The following SESTD1 variants were observed in gnomAD, a reference collection of about 807,000 sequenced individuals.
SESTD1 encodes the protein SEC14 and spectrin domain containing 1.
A neutral mutation model predicts 101.7 loss-of-function variants in SESTD1; 43 were observed. The observed-to-expected ratio is 0.42, with a 90% CI of 0.33 to 0.55. The LOEUF (loss-of-function observed/expected upper bound fraction) is 0.55, where lower values mean the gene tolerates loss of function less well. Among genes scored for constraint, SESTD1 ranks in the 20% least tolerant of loss-of-function variants. The pLI, the probability that SESTD1 is intolerant of heterozygous loss-of-function variation, is 0.07. For synonymous variants in SESTD1, 283 were observed against 286.8 expected (o/e 0.99, Z 0.13); for missense variants, 647 against 815.1 (o/e 0.79, Z 2.51).
In SESTD1 at chr2:179,122,409, G is replaced by A. The variant is rs530488868; in HGVS notation, c.1283-480C>T. ...AAGGATGTTGAACATTGTGACTAAA[G>A]ATACAGTCTAGCTTCTATACCATAG... On this transcript the variant is annotated intron_variant, in intron 12 of 17. Coordinates refer to ENST00000428443, the MANE Select transcript of SESTD1 (RefSeq NM_178123.5). Among the ~76,000 whole-genome samples, 183 of 152,064 alleles carry A rather than the reference G, an allele frequency of 1.2e-3. 1 individual carries two copies. The highest frequency in any genetic ancestry group is 4.2e-3 in the African/African-American group (173 of 41,482).
At chr2:179,138,005 G>T (rs928711477) in intron 9 of SESTD1, among the ~76,000 whole-genome samples, 13 of 152,004 alleles carry the variant, frequency 8.6e-5, no homozygotes, top group African/African-American at 2.9e-4. Context: ...TTTTCGCAAG[G>T]GATATAGATA....
chr2:179,212,333 C>T (rs1409999381), intron 1 of SESTD1, among the ~76,000 whole-genome samples: 2 of 136,440 alleles, frequency 1.5e-5, no homozygotes, highest in East Asian at 2.0e-4. Context: ...AACTGGCAGA[C>T]AAGGAAATTC....
intron 1 of SESTD1, among the ~76,000 whole-genome samples, chr2:179,252,508 C>T (rs891534069): frequency 2.0e-5 from 3 of 152,166 alleles, no homozygotes; most frequent in Non-Finnish European, 4.4e-5. Flanking sequence ...TCTATAGTAT[C>T]CTTCCTATCT....
At chr2:179,159,999 T>G (rs2045705048) in intron 5 of SESTD1, among the ~76,000 whole-genome samples, 1 of 152,004 alleles carries the variant, frequency 6.6e-6, no homozygotes, top group East Asian at 1.9e-4. Context: ...GGATTACAGG[T>G]GCCCACCATC....
chr2:179,254,784 T>G (rs539233733), intron 1 of SESTD1, among the ~76,000 whole-genome samples: 1 of 152,352 alleles, frequency 6.6e-6, no homozygotes, highest in Non-Finnish European at 1.5e-5. Flanking sequence ...ATATCTCACT[T>G]TAATACACTT....
chr2:179,178,179 C>T (rs9653299), intron 3 of SESTD1, among the ~76,000 whole-genome samples: 97,026 of 152,072 alleles, frequency 0.64, 32,263 homozygotes, highest in South Asian at 0.82. Flanking sequence ...TTTAAAAAGA[C>T]GATTTTTGTG....
At position 179,124,540 on chromosome 2, in the gene SESTD1, C is replaced by T. The variant is rs763468071; in HGVS notation, c.991G>A (p.Val331Met). Reference protein sequence around the residue: ...SQHSEWFAVYVELNQQIAALL... With the variant: ...SQHSEWFAVYMELNQQIAALL... ...GCTGCAATTTGCTGATTAAGTTCCA[C>T]ATACACTGCAAACCATTCCTGTAAT... Residue 331 changes from valine (V) to methionine (M), a missense_variant, in exon 11 of 18, where the codon GTG becomes ATG. By Grantham distance (21) the Val-to-Met change is conservative. Coordinates refer to ENST00000428443, the MANE Select transcript of SESTD1 (RefSeq NM_178123.5). The T allele has an allele frequency of 2.9e-5, 47 of 1,613,724 alleles. No homozygotes were observed. The highest frequency in any genetic ancestry group is 3.8e-5 in the Non-Finnish European group (45 of 1,179,852).
At chr2:179,149,059 C>CAAAAAAAAA (rs66636048) in intron 7 of SESTD1, among the ~76,000 whole-genome samples, 7 of 60,412 alleles carry the variant, frequency 1.2e-4, no homozygotes, top group Admixed American at 2.9e-4. Context: ...GACTCCGTCT[C>CAAAAAAAAA]AAAAAAAAAA....
chr2:179,263,669 A>C (rs1038604862), intron 1 of SESTD1, among the ~76,000 whole-genome samples: 1 of 152,204 alleles, frequency 6.6e-6, no homozygotes, highest in African/African-American at 2.4e-5. Context: ...CAAAGCACCA[A>C]GAAAACCACG....
At chr2:179,116,303 CA>C (rs139607474) in intron 15 of SESTD1, among the ~76,000 whole-genome samples, 25,243 of 151,052 alleles carry the variant, frequency 0.17, 2,283 homozygotes, top group South Asian at 0.28. Flanking sequence ...CTTTTCACCA[CA>C]AAAAAGTTCT....
intron 1 of SESTD1, among the ~76,000 whole-genome samples, chr2:179,232,821 T>C (rs1381993644): frequency 6.6e-6 from 1 of 152,204 alleles, no homozygotes; most frequent in Non-Finnish European, 1.5e-5. Flanking sequence ...CATTTATCTG[T>C]CCATTTTGTG....
chr2:179,121,648 C>T, intron 13 of SESTD1, 122 bp downstream of exon 13: 1 of 698,386 alleles, frequency 1.4e-6, no homozygotes, highest in Non-Finnish European at 2.1e-6. Context: ...CACCAAAAAC[C>T]TACTACATGT....
At chr2:179,123,125 G>T (rs114664960) in intron 12 of SESTD1, among the ~76,000 whole-genome samples, 1,941 of 151,988 alleles carry the variant, frequency 0.013, 43 homozygotes, top group African/African-American at 0.044. Context: ...GACCTTTTAG[G>T]AAAGTTCACT....
intron 5 of SESTD1, among the ~76,000 whole-genome samples, chr2:179,155,919 T>C (rs2045620152): frequency 1.3e-5 from 2 of 152,118 alleles, no homozygotes; most frequent in African/African-American, 4.8e-5. Context: ...GTCTCCAAAG[T>C]CTATTTTATC....
chr2:179,112,283 A>G (rs1054242210), intron 17 of SESTD1, among the ~76,000 whole-genome samples: 11 of 152,212 alleles, frequency 7.2e-5, no homozygotes, highest in Non-Finnish European at 1.5e-4. Flanking sequence ...CAGTTTCTTC[A>G]TTTGTAAATC....
intron 1 of SESTD1, among the ~76,000 whole-genome samples, chr2:179,195,077 C>A (rs994607067): frequency 2.0e-5 from 3 of 152,188 alleles, no homozygotes; most frequent in East Asian, 1.9e-4. Context: ...AAGCCTCCAG[C>A]CCATTCTAGA....
At chr2:179,138,870 C>CAAAAA (rs61703699) in intron 9 of SESTD1, among the ~76,000 whole-genome samples, 3 of 65,540 alleles carry the variant, frequency 4.6e-5, no homozygotes, top group Non-Finnish European at 6.3e-5. Flanking sequence ...AACCCTGTCT[C>CAAAAA]AAAAAAAAAA....
intron 1 of SESTD1, among the ~76,000 whole-genome samples, chr2:179,194,787 C>G (rs2046366097): frequency 1.3e-5 from 2 of 152,104 alleles, no homozygotes; most frequent in Admixed American, 6.5e-5. Context: ...TAAAACCCAG[C>G]CCTATTTTAT....
chr2:179,143,646 A>G lies in SESTD1; in HGVS notation c.795T>C (p.Cys265=), dbSNP rs1414814248. The G allele has an allele frequency of 1.2e-6, 2 of 1,614,010 alleles. No individual in the cohort carries two copies. The highest frequency in any genetic ancestry group is 1.7e-6 in the Non-Finnish European group (2 of 1,179,934). The part of the protein sequence containing the change: ...REQYTRYQEV[C]RQRSKRTQLE... The stretch of plus-strand genomic sequence containing the variant: ...ACTGTGTGCGCTTGCTACGTTGCCT[A>G]CAAACTTCCTGGTAGCGGGTATATT... Residue 265 remains cysteine, a synonymous_variant, in exon 9 of 18, where the codon TGT becomes TGC. Transcript: ENST00000428443.
Sources: allele counts gnomAD v4.1 joint callset (sites outside exome capture counted in the v4.1 genomes callset), GRCh38; gene constraint gnomAD v4.1.1; transcripts MANE v1.5; gene names NCBI Gene and HGNC (gene_info 2026-07-23, HGNC 2026-07-21).